Variants in THBS4 observed in about 807,000 individuals in gnomAD.
The protein encoded by THBS4 is thrombospondin-4.
A neutral mutation model predicts 115.7 loss-of-function variants in THBS4; 90 were observed. The ratio of observed to expected loss-of-function variants is 0.78; its 90% CI spans 0.66 to 0.93. The LOEUF (loss-of-function observed/expected upper bound fraction) is 0.93. THBS4 is among the 40% of genes least tolerant of loss of function. THBS4 has a pLI of 0.00. For missense variants in THBS4, 1,087 were observed against 1,232.7 expected, an observed-to-expected ratio of 0.88 and a Z score of 1.77; for synonymous variants, 460 against 479.3, an observed-to-expected ratio of 0.96 and a Z score of 0.53.
intron 2 of THBS4, among the ~76,000 whole-genome samples, chr5:80,001,370 A>G (rs920142077): frequency 3.3e-5 from 5 of 152,244 alleles, no homozygotes; most frequent in African/African-American, 1.2e-4. Context: ...TTTTGCAGAT[A>G]TAACCCTTTC....
At chr5:79,991,532 C>T (rs1561285572) in intron 1 of THBS4, 1 of 303,910 alleles carries the variant, frequency 3.3e-6, no homozygotes, top group Non-Finnish European at 6.0e-6. Context: ...CTAAATTAAC[C>T]TGTTTGTAAA....
chr5:80,022,261 C>T (rs553591750), intron 2 of THBS4, among the ~76,000 whole-genome samples: 46 of 152,212 alleles, frequency 3.0e-4, no homozygotes, highest in African/African-American at 1.1e-3. Context: ...CTTGCCAGCT[C>T]AATAATTCAT....
rs887644278 is a variant in THBS4, at chr5:80,030,049, G to A, written n.178-10028G>A. Among the ~76,000 whole-genome samples the A allele has an allele frequency of 5.7e-5, 8 of 141,178 alleles. No individual in the cohort carries two copies. The East Asian group carries it at 1.4e-3, about 25-fold the overall frequency. The allele number at this position is 141,178 out of a possible 152,430, so 92.6% of individuals were successfully genotyped here. A position where few individuals can be genotyped will look rare whatever the true frequency, so the allele number is the denominator to read the frequency against. ...CTTCATTTACAGAGACCTTATCTGT[G>A]CTAAGTAGTTTTTGGAATAGCTTTT... On this transcript the variant is annotated intron_variant and non_coding_transcript_variant, in intron 2 of 3. Transcript: ENST00000510218.
intron 2 of THBS4, among the ~76,000 whole-genome samples, chr5:80,054,634 A>T (rs1833364928): frequency 6.6e-6 from 1 of 151,364 alleles, no homozygotes; most frequent in Admixed American, 6.6e-5. Context: ...AATTTTTTTA[A>T]ATTTACTTTT....
At chr5:80,070,930 A>C in intron 12 of THBS4, 91 bp from the exon 13 acceptor site, 1 of 1,590,390 alleles carries the variant, frequency 6.3e-7, no homozygotes, top group East Asian at 2.2e-5. Flanking sequence ...AAACTGACAA[A>C]CTTGGGCCAC....
chr5:80,059,853 C>T lies in THBS4; in HGVS notation c.935C>T (p.Pro312Leu). 1 of 1,614,010 alleles carries T rather than the reference C, an allele frequency of 6.2e-7. No homozygotes were observed. The highest frequency in any genetic ancestry group is 2.2e-5 in the East Asian group (1 of 44,868). The change falls in exon 7 of 22, where the codon CCC (proline) becomes CTC (leucine). Residue 312 changes from proline to leucine, a missense_variant. By Grantham distance (98) the Pro-to-Leu change is moderately conservative. Transcript: ENST00000350881. ...AGTAGAGATGGCTTCCAGTGTGGGC[C>T]CTGCCCCGAGGGCTACACAGGAAAC... ...TDSRDGFQCG[P>L]CPEGYTGNGI...
upstream of THBS4, chr5:80,033,107 CAG>C (rs1332749643): frequency 1.2e-5 from 3 of 242,180 alleles, no homozygotes; most frequent in South Asian, 5.6e-5. Context: ...AATTCAGAAA[CAG>C]GGTAACATCA....
upstream of THBS4, among the ~76,000 whole-genome samples, chr5:80,032,711 C>T (rs1010432925): frequency 2.0e-5 from 3 of 152,176 alleles, no homozygotes; most frequent in Non-Finnish European, 4.4e-5. Context: ...GGCCAGAAGA[C>T]GCAGCAAGTC....
At chr5:80,064,354 CA>C (rs1375704308) in intron 8 of THBS4, among the ~76,000 whole-genome samples, 1 of 152,204 alleles carries the variant, frequency 6.6e-6, no homozygotes, top group Admixed American at 6.5e-5. Flanking sequence ...AAAGACATGC[CA>C]AAATTCAGGG....
intron 2 of THBS4, among the ~76,000 whole-genome samples, chr5:80,010,986 G>A (rs1343130370): frequency 6.6e-6 from 1 of 152,202 alleles, no homozygotes; most frequent in Non-Finnish European, 1.5e-5. Flanking sequence ...ATATGGTTTG[G>A]CTGTGTCCCC....
rs1346927284 is a variant in THBS4, at chr5:80,070,711, T to G, written c.1521T>G (p.Cys507Trp). Residue 507 changes from cysteine to tryptophan, a missense_variant, in exon 12 of 22, where the codon TGT becomes TGG. Coordinates refer to ENST00000350881, the MANE Select transcript of THBS4 (RefSeq NM_003248.6). ...DADRDGIGDA[C>W]DEDADGDGIL... Reference sequence around the variant, plus strand: ...ACAGAGATGGCATTGGCGACGCTTGTGACGAGGATGCTGACGGAGATGGGA... The same window carrying G: ...ACAGAGATGGCATTGGCGACGCTTGGGACGAGGATGCTGACGGAGATGGGA... 3 of 1,614,188 alleles carry G rather than the reference T, an allele frequency of 1.9e-6. No homozygotes were observed.
chr5:79,997,558 T>C (rs1383447052), intron 1 of THBS4, among the ~76,000 whole-genome samples: 1 of 76,072 alleles, frequency 1.3e-5, no homozygotes, highest in African/African-American at 7.2e-5. Flanking sequence ...TAATTTTAAC[T>C]ATAACATAAG....
At position 80,067,964 on chromosome 5, in the gene THBS4, T is replaced by C. The variant is rs1833893390; in HGVS notation, c.1195-9T>C. ...TTTCAGCTCATCACCTGATCTTTGTTCCTTGCAGGGATCTTACCGCTGTGG... is the reference window on the plus strand; with the variant it reads ...TTTCAGCTCATCACCTGATCTTTGTCCCTTGCAGGGATCTTACCGCTGTGG... On this transcript the variant is annotated splice_polypyrimidine_tract_variant and intron_variant, in intron 9 of 21. Transcript: ENST00000350881. The C allele has an allele frequency of 4.3e-6, 7 of 1,613,688 alleles. No individual in the cohort carries two copies. The highest frequency in any genetic ancestry group is 5.9e-6 in the Non-Finnish European group (7 of 1,179,866).
chr5:80,024,560 G>A (rs1832438837), intron 2 of THBS4, among the ~76,000 whole-genome samples: 1 of 152,128 alleles, frequency 6.6e-6, no homozygotes, highest in South Asian at 2.1e-4. Context: ...GTAAGTGGCT[G>A]GGCCAGGTTT....
chr5:80,061,258 G>A (rs1404810105), intron 7 of THBS4, among the ~76,000 whole-genome samples: 2 of 152,182 alleles, frequency 1.3e-5, no homozygotes. Flanking sequence ...GGATTACATG[G>A]TAATGAAGAG....
intron 1 of THBS4, 57 bp from the exon 2 acceptor site, chr5:80,040,020 C>G: frequency 2.0e-6 from 3 of 1,528,204 alleles, no homozygotes; most frequent in Non-Finnish European, 1.8e-6. Context: ...CAAAGAAACC[C>G]TGTTTTCCCC....
chr5:80,056,045 A>G lies in THBS4; in HGVS notation c.540+13A>G, dbSNP rs1316953212. 2 of 1,585,300 alleles carry G rather than the reference A, an allele frequency of 1.3e-6. No individual in the cohort carries two copies. The highest frequency in any genetic ancestry group is 1.8e-5 in the Admixed American group (1 of 56,278). ...GAGGAAGCCACAGGTAGGAACCCAC[A>G]AACCATTCTCTGAAGTGGAAAAATG... On this transcript the variant is annotated intron_variant, in intron 3 of 21. Coordinates refer to ENST00000350881, the MANE Select transcript of THBS4 (RefSeq NM_003248.6).
At chr5:80,022,157 G>A (rs1832391016) in intron 2 of THBS4, among the ~76,000 whole-genome samples, 2 of 152,144 alleles carry the variant, frequency 1.3e-5, no homozygotes, top group Non-Finnish European at 2.9e-5. Context: ...GTTTTATCAG[G>A]CACTTTCAGG....
At chr5:80,072,779 G>A in intron 14 of THBS4, 1 of 252,118 alleles carries the variant, frequency 4.0e-6, no homozygotes, top group Non-Finnish European at 7.8e-6. Flanking sequence ...TTCAGCCAGG[G>A]ATGTGTTGCA....
Sources: gnomAD v4.1 joint callset for allele counts (sites outside exome capture counted in the v4.1 genomes callset) on GRCh38, gnomAD v4.1.1 for gene constraint, MANE v1.5 for transcripts, NCBI Gene and HGNC (gene_info 2026-07-23, HGNC 2026-07-21) for gene names.